Variants in UPK1A observed in about 807,000 individuals in gnomAD.
UPK1A encodes uroplakin 1A, also known as uroplakin-1a.
Under a neutral mutation model 32.3 loss-of-function variants are expected in UPK1A, and 31 were observed. That is an observed-to-expected ratio of 0.96 (90% confidence interval 0.72 to 1.30). The LOEUF (loss-of-function observed/expected upper bound fraction) is 1.30, where lower values mean the gene tolerates loss of function less well. Ranked by LOEUF, UPK1A falls within the 50% of genes most tolerant of loss-of-function variation. UPK1A has a pLI of 0.00. For synonymous variants in UPK1A, 135 were observed against 137.1 expected, an observed-to-expected ratio of 0.98 and a Z score of 0.11; for missense variants, 340 against 357.4, an observed-to-expected ratio of 0.95 and a Z score of 0.39.
intron 3 of UPK1A, among the ~76,000 whole-genome samples, chr19:35,671,449 C>T (rs1347671923): frequency 7.5e-6 from 1 of 134,008 alleles, no homozygotes; most frequent in Non-Finnish European, 1.5e-5. Context: ...ACATTTTCTC[C>T]CCAAATTTCT....
In UPK1A at chr19:35,668,670, T is replaced by A; in HGVS notation, c.285+16T>A. 2.5e-6 allele frequency: 4 copies of A among 1,604,348 alleles called. No individual in the cohort carries two copies. The highest frequency in any genetic ancestry group is 3.4e-6 in the Non-Finnish European group (4 of 1,175,878). On this transcript the variant is annotated intron_variant, in intron 3 of 7. Coordinates refer to ENST00000617999, the Ensembl canonical transcript of UPK1A. ...GGTCCTCACGGTGAGACTCCAGGGG[T>A]TGGGGGATGGGGACACTGAAAACGG... is the stretch of plus-strand genomic sequence containing the variant.
chr19:35,676,171 T>TTTTCTTTCTTTC lies in UPK1A; in HGVS notation c.648+168_648+179dup, dbSNP rs373683502. Reference sequence around the variant, plus strand: ...CCCCTCTCTGATTTTCTTGTTTTCTTTTTCTTTCTTTCTTTCTTTCTTTCT... The same window carrying TTTTCTTTCTTTC: ...CCCCTCTCTGATTTTCTTGTTTTCTTTTTCTTTCTTTCTTTCTTTCTTTCTTTCTTTCTTTCT... On this transcript the variant is annotated intron_variant, in intron 6 of 7. Coordinates refer to ENST00000617999, the Ensembl canonical transcript of UPK1A. 432 of 882,516 alleles carry TTTTCTTTCTTTC rather than the reference T, an allele frequency of 4.9e-4. No individual in the cohort carries two copies. In the African/African-American group the frequency reaches 7.2e-3, roughly 15 times the overall value. The allele number at this position is 882,516 out of a possible 1,614,324, so 54.7% of individuals were successfully genotyped here.
At chr19:35,674,052 C>G (rs895795593) in intron 5 of UPK1A, among the ~76,000 whole-genome samples, 5 of 151,316 alleles carry the variant, frequency 3.3e-5, no homozygotes, top group Non-Finnish European at 7.4e-5. Flanking sequence ...TGCGCCCCAC[C>G]ACACCCGGCT....
intron 5 of UPK1A, among the ~76,000 whole-genome samples, chr19:35,674,760 G>C (rs1263638732): frequency 6.6e-6 from 1 of 152,086 alleles, no homozygotes; most frequent in African/African-American, 2.4e-5. Context: ...GGAAGAAATT[G>C]GCTGGGTGCA....
At chr19:35,675,803 A>G in intron 5 of UPK1A, 37 bp from the exon 6 acceptor site, 1 of 1,572,128 alleles carries the variant, frequency 6.4e-7, no homozygotes, top group Non-Finnish European at 8.7e-7. Flanking sequence ...GTCCTCTCTG[A>G]GCCCGAGCCT....
chr19:35,670,381 CCCCTCCCCTT>C (rs1453112366), intron 3 of UPK1A, among the ~76,000 whole-genome samples: 1 of 118,292 alleles, frequency 8.5e-6, no homozygotes, highest in Non-Finnish European at 1.8e-5. Context: ...CCCCTCCCTT[CCCCTCCCCTT>C]CCCTCCCCTC....
At chr19:35,676,116 C>G in intron 6 of UPK1A, 97 bp downstream of exon 6, 1 of 1,347,336 alleles carries the variant, frequency 7.4e-7, no homozygotes, top group South Asian at 1.4e-5. Flanking sequence ...CTCCCTGTGT[C>G]TGTCCGTCTA....
intron 3 of UPK1A, 114 bp from the exon 4 acceptor site, chr19:35,673,118 T>C (rs1968126543): frequency 1.1e-6 from 1 of 935,020 alleles, no homozygotes; most frequent in East Asian, 2.4e-5. Flanking sequence ...TAGATGCTGC[T>C]AGTCACACTG....
At chr19:35,668,793 T>G (rs1015973339) in intron 3 of UPK1A, 139 bp downstream of exon 3, 2 of 981,326 alleles carry the variant, frequency 2.0e-6, no homozygotes, top group Non-Finnish European at 3.0e-6. Context: ...ATCATCTCAT[T>G]CAGTCTTCCC....
At chr19:35,673,446 C>T in exon 5 of UPK1A, 1 of 1,613,752 alleles carries the variant, frequency 6.2e-7, no homozygotes. Context: ...AGATGGTGTC[C>T]AACCCATCCC....
exon 7 of UPK1A, chr19:35,677,840 T>A: frequency 6.2e-7 from 1 of 1,611,704 alleles, no homozygotes; most frequent in Admixed American, 1.7e-5. Context: ...GGCCACGCCA[T>A]CGACAGCTAC....
chr19:35,667,746 A>G (rs1301247722), intron 2 of UPK1A, among the ~76,000 whole-genome samples: 1 of 151,870 alleles, frequency 6.6e-6, no homozygotes, highest in Non-Finnish European at 1.5e-5. Context: ...TGCCCACCTC[A>G]GCCTCCCAAA....
rs116516524 is a variant in UPK1A, at chr19:35,676,620, C to T, written c.648+601C>T. ...CCGAGAATAAGAGCAATAATAGGGCCGGGCGCGATGGCTCATGCCTGTAAT... is the reference window on the plus strand; with the variant it reads ...CCGAGAATAAGAGCAATAATAGGGCTGGGCGCGATGGCTCATGCCTGTAAT... On this transcript the variant is annotated intron_variant, in intron 6 of 7. Coordinates refer to ENST00000617999, the Ensembl canonical transcript of UPK1A. Among the ~76,000 whole-genome samples the T allele has an allele frequency of 4.1e-3, 619 of 151,406 alleles. 8 individuals carry two copies. The highest frequency in any genetic ancestry group is 0.015 in the African/African-American group (606 of 41,298).
At chr19:35,671,342 G>A (rs1379081375) in intron 3 of UPK1A, among the ~76,000 whole-genome samples, 13 of 134,520 alleles carry the variant, frequency 9.7e-5, no homozygotes, top group Admixed American at 7.5e-4. Flanking sequence ...AGCAGAGATC[G>A]CGCCACTGCA....
chr19:35,676,195 C>CTTTT, intron 6 of UPK1A, 176 bp downstream of exon 6: 7 of 589,890 alleles, frequency 1.2e-5, no homozygotes, highest in East Asian at 3.9e-5. Flanking sequence ...TTCTTTCTTT[C>CTTTT]TTTTTTTTTT....
exon 7 of UPK1A, chr19:35,677,847 C>G (rs1968205600): frequency 6.2e-7 from 1 of 1,611,960 alleles, no homozygotes; most frequent in Non-Finnish European, 8.5e-7. Flanking sequence ...CCATCGACAG[C>G]TACACGTGGG....
intron 3 of UPK1A, 85 bp from the exon 4 acceptor site, chr19:35,673,147 C>T: frequency 1.4e-6 from 2 of 1,443,478 alleles, no homozygotes; most frequent in Non-Finnish European, 9.7e-7. Flanking sequence ...TTTTTTAAAA[C>T]TTGCATTTCC....
chr19:35,673,366 C>A, intron 4 of UPK1A, 60 bp downstream of exon 4: 1 of 1,610,814 alleles, frequency 6.2e-7, no homozygotes. Flanking sequence ...AGGGTCCCGG[C>A]GCGGCGGGGC....
intron 5 of UPK1A, among the ~76,000 whole-genome samples, chr19:35,675,234 G>T (rs1968163343): frequency 6.6e-6 from 1 of 152,008 alleles, no homozygotes; most frequent in Non-Finnish European, 1.5e-5. Context: ...CCAGAAATCT[G>T]CCCTTTTTGT....
Sources: gnomAD v4.1 joint callset for allele counts (sites outside exome capture counted in the v4.1 genomes callset) on GRCh38, gnomAD v4.1.1 for gene constraint, MANE v1.5 for transcripts, NCBI Gene and HGNC (gene_info 2026-07-23, HGNC 2026-07-21) for gene names.